DUOX1: variants seen among roughly 807,000 people sequenced by gnomAD.
The protein encoded by DUOX1 is NADPH thyroid oxidase 1.
DUOX1 carries 134 observed loss-of-function variants against 181.8 expected under a neutral mutation model. The observed-to-expected ratio is 0.74, with a 90% CI of 0.64 to 0.85. The LOEUF is 0.85. DUOX1 is among the 40% of genes least tolerant of loss of function. DUOX1 has a pLI of 0.00. For missense variants in DUOX1, 1,814 were observed against 2,064.4 expected (o/e 0.88, Z 2.35); for synonymous variants, 798 against 832.5 (o/e 0.96, Z 0.71).
intron 12 of DUOX1, chr15:45,140,096 G>A (rs1896452549): frequency 1.1e-5 from 15 of 1,332,318 alleles, no homozygotes; most frequent in South Asian, 4.5e-5. Flanking sequence ...TCCCACAGCC[G>A]CACAAATTGG....
In DUOX1 at chr15:45,163,802, C is replaced by T. The variant is rs370814851; in HGVS notation, c.4417C>T (p.Arg1473Trp). ...TTCCCTACCATAGTACATCTGTGAG[C>T]GGCACTTCCAGAAGGTTCTGAACCG... ...LRTTMLYICE[R>W]HFQKVLNRSL... Residue 1473 changes from arginine (R) to tryptophan (W), a missense_variant, in exon 33 of 34, where the codon CGG (arginine) becomes TGG (tryptophan). Coordinates refer to ENST00000389037, the MANE Select transcript of DUOX1 (RefSeq NM_175940.3). The T allele has an allele frequency of 9.9e-6, 16 of 1,613,926 alleles. No individual in the cohort carries two copies. Among genetic ancestry groups the T allele is most frequent in the Admixed American group, 1.7e-5 (1 of 59,978 alleles).
At chr15:45,155,569 CAAA>C (rs747495934) in intron 27 of DUOX1, 3,435 of 304,132 alleles carry the variant, frequency 0.011, no homozygotes, top group South Asian at 0.014. Flanking sequence ...GACTCCATCT[CAAA>C]AAAAAAAAAA....
chr15:45,142,691 C>T (rs1896532863), intron 15 of DUOX1, among the ~76,000 whole-genome samples: 1 of 151,680 alleles, frequency 6.6e-6, no homozygotes, highest in African/African-American at 2.4e-5. Flanking sequence ...CGCCATTGCA[C>T]TCCAGCCTGG....
chr15:45,130,277 C>A (rs1475532382), intron 1 of DUOX1, among the ~76,000 whole-genome samples, 179 bp downstream of exon 1: 1 of 152,218 alleles, frequency 6.6e-6, no homozygotes. Context: ...AGGGCCTGTC[C>A]TCTGCCCAAT....
At position 45,139,061 on chromosome 15, in the gene DUOX1, T is replaced by C. The variant is rs756628748; in HGVS notation, c.1114-5T>C. On this transcript the variant is annotated splice_region_variant and splice_polypyrimidine_tract_variant and intron_variant, in intron 10 of 33. Transcript: ENST00000389037. ...CCCTTTCCTCCCCACCCCCAACCTA[T>C]AAAGCACCCAAGCCTACAAAGTGCT... The C allele has an allele frequency of 6.2e-7, 1 of 1,612,818 alleles. No homozygotes were observed. The highest frequency in any genetic ancestry group is 1.3e-5 in the African/African-American group (1 of 74,884).
chr15:45,138,105 T>A (rs1278895458), intron 10 of DUOX1, 91 bp downstream of exon 10: 5 of 1,023,646 alleles, frequency 4.9e-6, no homozygotes, highest in Admixed American at 2.5e-5. Flanking sequence ...TGTGTGTGTG[T>A]GAGTGCATGG....
chr15:45,158,553 T>A (rs59368522), intron 28 of DUOX1, among the ~76,000 whole-genome samples: 16,716 of 151,514 alleles, frequency 0.11, 1,027 homozygotes, highest in South Asian at 0.25. Flanking sequence ...TACAAAAAAA[T>A]TAGCCGGGAG....
At chr15:45,152,991 C>T (rs529269245) in intron 25 of DUOX1, 181 of 292,776 alleles carry the variant, frequency 6.2e-4, no homozygotes, top group Middle Eastern at 2.5e-3. Context: ...GAAGCTGAGG[C>T]GGGCGGATCA....
At chr15:45,135,040 A>G in intron 4 of DUOX1, 64 bp from the exon 5 acceptor site, 1 of 1,576,788 alleles carries the variant, frequency 6.3e-7, no homozygotes, top group Non-Finnish European at 8.6e-7. Flanking sequence ...GAAACTGGAT[A>G]CCTAGGGTAA....
chr15:45,137,776 C>A (rs568216588), intron 9 of DUOX1, 148 bp from the exon 10 acceptor site: 2 of 560,770 alleles, frequency 3.6e-6, no homozygotes, highest in South Asian at 6.2e-5. Flanking sequence ...AAGTCAGACC[C>A]TCCAGGATGT....
At chr15:45,150,992 G>A in intron 22 of DUOX1, 131 bp from the exon 23 acceptor site, 1 of 1,320,406 alleles carries the variant, frequency 7.6e-7, no homozygotes, top group Admixed American at 1.9e-5. Context: ...GGTGACTGTG[G>A]GAATCCTGCT....
intron 21 of DUOX1, 156 bp downstream of exon 21, chr15:45,148,603 T>C: frequency 1.5e-6 from 1 of 650,216 alleles, no homozygotes; most frequent in South Asian, 5.2e-5. Flanking sequence ...CCAATCTGGA[T>C]TGTAGTTTTC....
Position 45,136,576 on chromosome 15 carries a change from G to A in DUOX1, c.973G>A (p.Ala325Thr). The change falls in exon 9 of 34, where the codon GCC becomes ACC. Residue 325 changes from alanine to threonine, a missense_variant. Ala to Thr is a moderately conservative substitution (Grantham distance 58, BLOSUM62 0). Transcript: ENST00000389037. ...DPSISSEFVA[A>T]SEQFLSTMVP... ...CAGCATCTCCTCAGAGTTCGTGGCG[G>A]CCTCTGAGCAGTTCCTGTCCACCAT... The A allele has an allele frequency of 6.2e-7, 1 of 1,614,158 alleles. No homozygotes were observed. Among genetic ancestry groups the A allele is most frequent in the Non-Finnish European group, 8.5e-7 (1 of 1,180,042 alleles).
In DUOX1 at chr15:45,163,895, T is replaced by C. The variant is rs1250654761; in HGVS notation, c.4510T>C (p.Ser1504Pro). The part of the protein sequence containing the change: ...GRPPFEPFFN[S>P]LQEVHPQVRK... ...TCCCCCCTTTGAGCCCTTCTTCAAC[T>C]CCCTGCAGGAGGTCCACCCCCAGGT... is the stretch of plus-strand genomic sequence containing the variant. The change falls in exon 33 of 34, where the codon TCC (serine) becomes CCC (proline). Residue 1504 changes from serine to proline, a missense_variant. Ser to Pro is a moderately conservative substitution (Grantham distance 74). Coordinates refer to ENST00000389037, the MANE Select transcript of DUOX1 (RefSeq NM_175940.3). 1 of 1,613,972 alleles carries C rather than the reference T, an allele frequency of 6.2e-7. No homozygotes were observed. The highest frequency in any genetic ancestry group is 8.5e-7 in the Non-Finnish European group (1 of 1,180,004).
At chr15:45,162,633 C>G (rs182219093) in intron 31 of DUOX1, among the ~76,000 whole-genome samples, 3 of 152,334 alleles carry the variant, frequency 2.0e-5, no homozygotes, top group Admixed American at 6.5e-5. Context: ...TAGGGGTGCT[C>G]CACATAGGAT....
intron 4 of DUOX1, among the ~76,000 whole-genome samples, chr15:45,134,587 G>T (rs1368923859): frequency 2.0e-5 from 3 of 152,188 alleles, no homozygotes; most frequent in African/African-American, 7.2e-5. Context: ...GTTGTTGGTG[G>T]GGGTAAGGGG....
chr15:45,161,625 C>G lies in DUOX1; in HGVS notation c.3857-113C>G, dbSNP rs1595598032. The G allele has an allele frequency of 6.5e-5, 61 of 934,750 alleles. No homozygotes were observed. The East Asian group carries it at 1.5e-3, about 23-fold the overall frequency. The allele number at this position is 934,750 out of a possible 1,614,324, so 57.9% of individuals were successfully genotyped here. ...CAGGGTGAGCTTCTGATGGGGGAGGCCTCCTTTGTCATATTCCAGAAGCAG... is the reference window on the plus strand; with the variant it reads ...CAGGGTGAGCTTCTGATGGGGGAGGGCTCCTTTGTCATATTCCAGAAGCAG... On this transcript the variant is annotated intron_variant, in intron 29 of 33. Coordinates refer to ENST00000389037, the MANE Select transcript of DUOX1 (RefSeq NM_175940.3).
At chr15:45,155,589 AT>A in intron 27 of DUOX1, 11 of 590,216 alleles carry the variant, frequency 1.9e-5, no homozygotes, top group Non-Finnish European at 2.5e-5. Flanking sequence ...AAAAAAAAAA[AT>A]CATGGTGACA....
rs772448296 is a variant in DUOX1 at position 45,150,718 on chromosome 15, G to C, written c.2888+17G>C. 1.2e-6 allele frequency: 2 copies of C among 1,613,276 alleles called. No homozygotes were observed. Among genetic ancestry groups the C allele is most frequent in the Non-Finnish European group, 1.7e-6 (2 of 1,179,572 alleles). On this transcript the variant is annotated intron_variant, in intron 22 of 33. Coordinates refer to ENST00000389037, the MANE Select transcript of DUOX1 (RefSeq NM_175940.3). ...TATGATCTGGTGAGCACCCATCTGG[G>C]AATGTCGGGGGGAGGAGTTGGGGAG... is the stretch of plus-strand genomic sequence containing the variant.
Sources: allele counts gnomAD v4.1 joint callset (sites outside exome capture counted in the v4.1 genomes callset), GRCh38; gene constraint gnomAD v4.1.1; transcripts MANE v1.5; gene names NCBI Gene and HGNC (gene_info 2026-07-23, HGNC 2026-07-21).